APOL3: variants seen among roughly 807,000 people sequenced by gnomAD.
APOL3 encodes the protein apolipoprotein L3.
APOL3 carries 14 observed loss-of-function variants against 11.6 expected under a neutral mutation model. That is an observed-to-expected ratio of 1.21 (90% CI 0.80 to 1.89). APOL3 has a LOEUF of 1.89. APOL3 is among the 40% of genes most tolerant of loss of function. The pLI is 0.00. For synonymous variants in APOL3, 192 were observed against 190.6 expected, an observed-to-expected ratio of 1.01 and a Z score of -0.06; for missense variants, 483 against 492.1, an observed-to-expected ratio of 0.98 and a Z score of 0.17.
At chr22:36,153,308 T>A (rs765170880) in intron 1 of APOL3, 18 of 444,566 alleles carry the variant, frequency 4.0e-5, no homozygotes, top group Non-Finnish European at 6.8e-5. Flanking sequence ...TGGATTGTGG[T>A]GCCACCACCT....
At chr22:36,160,640 T>C in intron 1 of APOL3, 29 bp downstream of exon 1, 1 of 1,606,540 alleles carries the variant, frequency 6.2e-7, no homozygotes, top group Non-Finnish European at 8.5e-7. Context: ...GATGGGGAGA[T>C]GGGGAAGGTC....
chr22:36,141,640 C>T (rs1300269021), exon 3 of APOL3: 3 of 1,614,160 alleles, frequency 1.9e-6, no homozygotes, highest in Admixed American at 1.7e-5. Context: ...ATGCTGGTTG[C>T]AGTCAGCCTG....
chr22:36,149,848 C>T lies in APOL3; in HGVS notation c.224-4249G>A, dbSNP rs138461459. ...CCAAGTGTCTGTCTTGGTGAATTCA[C>T]TGGTGCTGTGCTGGACACCCTTTGT... On this transcript the variant is annotated intron_variant, in intron 1 of 2. Transcript: ENST00000349314. 682 of 456,294 alleles carry T rather than the reference C, an allele frequency of 1.5e-3. 4 individuals are homozygous for T. Among genetic ancestry groups the T allele is most frequent in the African/African-American group, 0.012 (612 of 50,194 alleles). 28.3% of individuals were successfully genotyped at this position (456,294 alleles called of 1,614,324 possible). A position where few individuals can be genotyped will look rare whatever the true frequency, so the allele number is the denominator to read the frequency against.
intron 1 of APOL3, among the ~76,000 whole-genome samples, chr22:36,151,667 A>G (rs2011694432): frequency 6.6e-6 from 1 of 152,258 alleles, no homozygotes; most frequent in Non-Finnish European, 1.5e-5. Context: ...ATAGAAAGCT[A>G]CTTGAGTCTG....
intron 2 of APOL3, among the ~76,000 whole-genome samples, chr22:36,145,103 C>T (rs560986983): frequency 5.9e-5 from 9 of 151,456 alleles, no homozygotes; most frequent in South Asian, 4.2e-4. Context: ...GTAACATTAA[C>T]GGAGCACCTA....
At chr22:36,164,671 A>G (rs964307488), upstream of APOL3, 2 of 152,178 alleles carry the variant, frequency 1.3e-5, no homozygotes, top group Non-Finnish European at 2.9e-5. Context: ...GAAGCCAGCT[A>G]TTCTGGATCT....
chr22:36,156,935 A>C, intron 1 of APOL3: 2 of 456,228 alleles, frequency 4.4e-6, no homozygotes, highest in Non-Finnish European at 8.8e-6. Context: ...CCTCTGGACA[A>C]CATGGCCCAG....
At chr22:36,156,563 C>T (rs994335060) in intron 1 of APOL3, among the ~76,000 whole-genome samples, 1 of 152,186 alleles carries the variant, frequency 6.6e-6, no homozygotes, top group Non-Finnish European at 1.5e-5. Flanking sequence ...CTACTCCCCC[C>T]ACTCCCATTC....
At chr22:36,149,242 C>A in intron 1 of APOL3, 100 bp from the exon 2 acceptor site, 2 of 1,305,856 alleles carry the variant, frequency 1.5e-6, no homozygotes, top group Non-Finnish European at 1.0e-6. Context: ...TGCGTGTCAG[C>A]AAATGCCAAG....
chr22:36,148,515 A>G (rs132640), intron 1 of APOL3, among the ~76,000 whole-genome samples: 60,710 of 152,164 alleles, frequency 0.4, 13,202 homozygotes, highest in East Asian at 0.85. Flanking sequence ...AAGACGTGGC[A>G]AAGGCCAGAA....
At chr22:36,160,429 C>A (rs879559304) in intron 1 of APOL3, among the ~76,000 whole-genome samples, 3 of 152,234 alleles carry the variant, frequency 2.0e-5, no homozygotes, top group Admixed American at 1.3e-4. Flanking sequence ...CCCTAGGAAG[C>A]TTTGTGAACC....
chr22:36,145,032 A>G (rs968075469), intron 2 of APOL3, among the ~76,000 whole-genome samples: 8 of 151,396 alleles, frequency 5.3e-5, no homozygotes, highest in Admixed American at 3.3e-4. Context: ...AAAAGAAAAA[A>G]AAAGAAAAAA....
intron 2 of APOL3, among the ~76,000 whole-genome samples, chr22:36,143,027 G>A (rs980694937): frequency 1.4e-4 from 21 of 152,208 alleles, no homozygotes; most frequent in Admixed American, 2.0e-4. Flanking sequence ...CCATTCTGGT[G>A]TCTCCAGTCA....
chr22:36,144,612 G>A (rs1018931952), intron 2 of APOL3, among the ~76,000 whole-genome samples: 1 of 152,132 alleles, frequency 6.6e-6, no homozygotes, highest in East Asian at 1.9e-4. Context: ...TTCCTCAGAG[G>A]TGGAAGAAAA....
intron 1 of APOL3, chr22:36,156,026 TG>T: frequency 3.7e-6 from 1 of 269,094 alleles, no homozygotes; most frequent in South Asian, 6.4e-5. Context: ...CAAGTGGCTG[TG>T]GGGCCTCCTC....
chr22:36,154,616 C>A (rs774518435), intron 1 of APOL3: 3 of 470,966 alleles, frequency 6.4e-6, no homozygotes, highest in African/African-American at 4.0e-5. Flanking sequence ...CCCAGAAGGG[C>A]TGTGTTATTC....
intron 1 of APOL3, among the ~76,000 whole-genome samples, chr22:36,151,130 C>T (rs1226294989): frequency 2.0e-5 from 3 of 152,090 alleles, no homozygotes; most frequent in African/African-American, 7.2e-5. Flanking sequence ...TGAGTCTACA[C>T]CAATGGAAAA....
At chr22:36,143,136 C>CA (rs132620) in intron 2 of APOL3, among the ~76,000 whole-genome samples, 85,234 of 151,982 alleles carry the variant, frequency 0.56, 24,872 homozygotes, top group Middle Eastern at 0.73. Flanking sequence ...TCCCCTGTAA[C>CA]ACAATCCTGA....
chr22:36,140,966 C>A, exon 3 of APOL3: 1 of 577,126 alleles, frequency 1.7e-6, no homozygotes, highest in South Asian at 2.4e-5. Flanking sequence ...TCCCCACACT[C>A]TCCAGTCCCC....
Sources: allele counts gnomAD v4.1 joint callset (sites outside exome capture counted in the v4.1 genomes callset), GRCh38; gene constraint gnomAD v4.1.1; transcripts MANE v1.5; gene names NCBI Gene and HGNC (gene_info 2026-07-23, HGNC 2026-07-21).